The following ATP10A variants were observed in gnomAD, a reference collection of about 807,000 sequenced individuals.
The protein encoded by ATP10A is ATPase phospholipid transporting 10A (putative), also known as phospholipid-transporting ATPase VA.
In ATP10A, 111 loss-of-function variants were observed where a neutral mutation model predicts 147.8. The ratio of observed to expected loss-of-function variants is 0.75; its 90% CI spans 0.64 to 0.88. ATP10A has a LOEUF of 0.88. Among genes scored for constraint, ATP10A ranks in the 40% least tolerant of loss-of-function variants. The probability of loss-of-function intolerance (pLI) is 0.00; values close to 1 mark genes in which losing one functional copy is unlikely to be tolerated. For synonymous variants in ATP10A, 875 were observed against 841.6 expected, an observed-to-expected ratio of 1.04 and a Z score of -0.69; for missense variants, 1,927 against 1,959.0, an observed-to-expected ratio of 0.98 and a Z score of 0.31.
chr15:25,710,550 C>T (rs891132416), intron 10 of ATP10A: 23 of 152,158 alleles, frequency 1.5e-4, no homozygotes, highest in African/African-American at 5.3e-4. Flanking sequence ...AGGGTAGCCT[C>T]TCTTCATGAT....
chr15:25,704,604 C>T (rs1026632185), intron 12 of ATP10A, among the ~76,000 whole-genome samples: 1 of 152,238 alleles, frequency 6.6e-6, no homozygotes, highest in African/African-American at 2.4e-5. Context: ...CACTGGGTCA[C>T]CCCACCAACA....
chr15:25,697,076 C>T (rs976158372), intron 13 of ATP10A, among the ~76,000 whole-genome samples: 2 of 152,156 alleles, frequency 1.3e-5, no homozygotes, highest in Non-Finnish European at 2.9e-5. Context: ...GAACCAGAGG[C>T]GCTGGAAAAA....
At chr15:25,858,674 G>C (rs1893623892) in intron 1 of ATP10A, among the ~76,000 whole-genome samples, 1 of 152,052 alleles carries the variant, frequency 6.6e-6, no homozygotes. Context: ...AAAATAAGCA[G>C]AGAGCACCTC....
At chr15:25,786,792 G>GCTTT (rs1555469794) in intron 1 of ATP10A, among the ~76,000 whole-genome samples, 5 of 135,298 alleles carry the variant, frequency 3.7e-5, no homozygotes, top group Admixed American at 7.4e-5. Flanking sequence ...TGCCCAGCTA[G>GCTTT]TTTTTTTTTT....
chr15:25,843,542 T>A (rs1353891374), intron 1 of ATP10A, among the ~76,000 whole-genome samples: 2 of 152,026 alleles, frequency 1.3e-5, no homozygotes, highest in Non-Finnish European at 1.5e-5. Flanking sequence ...ATCATTTGCA[T>A]CCCGCATCAC....
In ATP10A at chr15:25,727,193, T is replaced by G; in HGVS notation, c.814A>C (p.Thr272Pro). 6.2e-7 allele frequency: 1 copy of G among 1,614,142 alleles called. No homozygotes were observed. The highest frequency in any genetic ancestry group is 8.5e-7 in the Non-Finnish European group (1 of 1,180,002). ...LLLRGCTLRN[T>P]DAVVGIVIYA... ...ATGACAATGCCGACGACTGCGTCCG[T>G]GTTCCTAAGGGTGCAGCCCCTCAGC... Residue 272 changes from threonine (T) to proline (P), a missense_variant, in exon 4 of 21, where the codon ACG becomes CCG. By Grantham distance (38) the Thr-to-Pro change is conservative (BLOSUM62 -1). Transcript: ENST00000555815.
In ATP10A at chr15:25,721,923, G is replaced by A. The variant is rs185631232; in HGVS notation, c.1111-14C>T. ...TGGGATCAAAACCTGGAAGAGACAA[G>A]GCACACAGGATGAATGACCGTGAGG... On this transcript the variant is annotated splice_polypyrimidine_tract_variant and intron_variant, in intron 6 of 20. Coordinates refer to ENST00000555815, the MANE Select transcript of ATP10A (RefSeq NM_024490.4). 22 of 1,608,900 alleles carry A rather than the reference G, an allele frequency of 1.4e-5. No homozygotes were observed. In the South Asian group the frequency reaches 2.4e-4, roughly 18 times the overall value.
chr15:25,714,022 C>A lies in ATP10A; in HGVS notation c.1996G>T (p.Ala666Ser). ...ERLGQPTSAI[A>S]SNGYSSQADN... ...GCCTGGCTGCTGTAGCCGTTGCTGG[C>A]GATGGCCGAGGTGGGCTGGCCCAGC... The change falls in exon 10 of 21, where the codon GCC (alanine) becomes TCC (serine). Residue 666 changes from alanine to serine, a missense_variant. Coordinates refer to ENST00000555815, the MANE Select transcript of ATP10A (RefSeq NM_024490.4). The A allele has an allele frequency of 6.2e-7, 1 of 1,610,616 alleles. No individual in the cohort carries two copies. The highest frequency in any genetic ancestry group is 1.1e-5 in the South Asian group (1 of 91,068).
intron 1 of ATP10A, among the ~76,000 whole-genome samples, chr15:25,855,543 C>CAT (rs982884792): frequency 7.4e-6 from 1 of 135,300 alleles, no homozygotes; most frequent in African/African-American, 3.4e-5. Flanking sequence ...TTGGTTAAAA[C>CAT]ACACACACAC....
chr15:25,824,823 C>T (rs1596958925), intron 1 of ATP10A, among the ~76,000 whole-genome samples: 1 of 152,092 alleles, frequency 6.6e-6, no homozygotes, highest in Non-Finnish European at 1.5e-5. Context: ...TTTACGTTTC[C>T]GTATTTCCTA....
At chr15:25,685,388 G>A (rs150598610) in intron 16 of ATP10A, among the ~76,000 whole-genome samples, 12 of 152,278 alleles carry the variant, frequency 7.9e-5, no homozygotes, top group East Asian at 1.9e-4. Flanking sequence ...GGCTGTGCCC[G>A]TTCCAGGTGA....
chr15:25,774,690 TA>T (rs149465540), intron 2 of ATP10A, among the ~76,000 whole-genome samples: 75 of 150,198 alleles, frequency 5.0e-4, no homozygotes, highest in Admixed American at 1.3e-3. Context: ...CACCAGAATT[TA>T]AAAAAAAAAT....
chr15:25,848,750 G>A (rs1893146563), intron 1 of ATP10A: 1 of 153,316 alleles, frequency 6.5e-6, no homozygotes, highest in African/African-American at 2.4e-5. Context: ...AGAGAAAGGG[G>A]AATTAGAATT....
chr15:25,808,722 G>C (rs1465334832), intron 1 of ATP10A, among the ~76,000 whole-genome samples: 1 of 152,130 alleles, frequency 6.6e-6, no homozygotes, highest in African/African-American at 2.4e-5. Context: ...TCCCAACTCA[G>C]GTATTTTTAC....
Position 25,705,138 on chromosome 15 carries a change from G to A in ATP10A, c.2575+2838C>T, listed in dbSNP as rs138350135. ...AGATAGTTATGTATGGTTCTCTGATGCTATTTAAGATAAGCACCTGGGCCT... is the reference window on the plus strand; with the variant it reads ...AGATAGTTATGTATGGTTCTCTGATACTATTTAAGATAAGCACCTGGGCCT... On this transcript the variant is annotated intron_variant, in intron 12 of 20. Transcript: ENST00000555815. Among the ~76,000 whole-genome samples, 724 of 152,258 alleles carry A rather than the reference G, an allele frequency of 4.8e-3. 1 individual carries two copies. The highest frequency in any genetic ancestry group is 8.0e-3 in the Admixed American group (123 of 15,290).
intron 13 of ATP10A, among the ~76,000 whole-genome samples, chr15:25,696,072 C>T: frequency 6.6e-6 from 1 of 152,174 alleles, no homozygotes; most frequent in East Asian, 1.9e-4. Context: ...ACCACCGTCT[C>T]CAGGAACAAA....
At chr15:25,800,776 A>G (rs1890901883) in intron 1 of ATP10A, among the ~76,000 whole-genome samples, 1 of 152,176 alleles carries the variant, frequency 6.6e-6, no homozygotes, top group Admixed American at 6.5e-5. Context: ...TAATTTCAAA[A>G]GCTGGTGCTC....
At chr15:25,772,866 C>G (rs779511435) in intron 2 of ATP10A, among the ~76,000 whole-genome samples, 1 of 152,160 alleles carries the variant, frequency 6.6e-6, no homozygotes, top group Non-Finnish European at 1.5e-5. Flanking sequence ...GACAGACACA[C>G]TACTGAAAAG....
intron 1 of ATP10A, among the ~76,000 whole-genome samples, chr15:25,799,548 T>C (rs1890840523): frequency 6.6e-6 from 1 of 152,068 alleles, no homozygotes; most frequent in Non-Finnish European, 1.5e-5. Context: ...TTAAACTAAA[T>C]AACATTCATT....
Sources: allele counts gnomAD v4.1 joint callset (sites outside exome capture counted in the v4.1 genomes callset), GRCh38; gene constraint gnomAD v4.1.1; transcripts MANE v1.5; gene names NCBI Gene and HGNC (gene_info 2026-07-23, HGNC 2026-07-21).